The following CHN2 variants were observed in gnomAD, a reference collection of about 807,000 sequenced individuals.
CHN2 encodes chimerin 2, also known as beta-chimaerin.
Under a neutral mutation model 56.3 loss-of-function variants are expected in CHN2, and 35 were observed. The ratio of observed to expected loss-of-function variants is 0.62; its 90% CI spans 0.47 to 0.82. The LOEUF (loss-of-function observed/expected upper bound fraction) is 0.82. Among genes scored for constraint, CHN2 ranks in the 40% least tolerant of loss-of-function variants. CHN2 has a pLI of 0.00. For synonymous variants in CHN2, 210 were observed against 212.8 expected (o/e 0.99, Z 0.12); for missense variants, 491 against 580.5 (o/e 0.85, Z 1.58).
chr7:29,417,830 T>C (rs1259272518), intron 6 of CHN2, among the ~76,000 whole-genome samples: 1 of 152,078 alleles, frequency 6.6e-6, no homozygotes, highest in Non-Finnish European at 1.5e-5. Flanking sequence ...AGTAAGGTAT[T>C]GTAGATGGTG....
intron 6 of CHN2, among the ~76,000 whole-genome samples, chr7:29,478,151 A>G (rs1211563845): frequency 6.6e-6 from 1 of 152,252 alleles, no homozygotes. Context: ...AAAGGGTAGC[A>G]TTAGAATCAG....
intron 3 of CHN2, among the ~76,000 whole-genome samples, chr7:29,369,579 C>T (rs980266561): frequency 2.6e-5 from 4 of 152,106 alleles, no homozygotes; most frequent in South Asian, 2.1e-4. Context: ...TATGTATGTG[C>T]GTGTGAAAGA....
chr7:29,324,347 GTGAT>G (rs1795629492), intron 1 of CHN2, among the ~76,000 whole-genome samples: 1 of 152,162 alleles, frequency 6.6e-6, no homozygotes, highest in Admixed American at 6.5e-5. Flanking sequence ...CTTTATAAAA[GTGAT>G]TGAATTTTGA....
chr7:29,469,670 A>G (rs374600667), intron 6 of CHN2, among the ~76,000 whole-genome samples: 2 of 152,106 alleles, frequency 1.3e-5, no homozygotes, highest in African/African-American at 4.8e-5. Flanking sequence ...TCACCTTCTC[A>G]TGAGACCTTT....
At chr7:29,147,449 T>C (rs755959645) in intron 2 of CHN2, 5 of 158,284 alleles carry the variant, frequency 3.2e-5, no homozygotes, top group Non-Finnish European at 5.6e-5. Flanking sequence ...CAGTTTCGCG[T>C]AGTTTGTTAT....
intron 6 of CHN2, among the ~76,000 whole-genome samples, chr7:29,407,572 C>A (rs906203554): frequency 6.6e-6 from 1 of 152,068 alleles, no homozygotes; most frequent in African/African-American, 2.4e-5. Flanking sequence ...AACTGACATA[C>A]CCAGTCTTTT....
intron 6 of CHN2, among the ~76,000 whole-genome samples, chr7:29,402,152 G>C (rs1286704812): frequency 4.6e-5 from 7 of 152,156 alleles, no homozygotes; most frequent in South Asian, 4.1e-4. Context: ...TGGCAGAGGG[G>C]CTTCATCAGA....
At chr7:29,421,387 C>T (rs528860203) in intron 6 of CHN2, among the ~76,000 whole-genome samples, 1 of 151,546 alleles carries the variant, frequency 6.6e-6, no homozygotes, top group African/African-American at 2.4e-5. Context: ...CTCAGGGAAA[C>T]GGCTCTGGAA....
At chr7:29,462,802 A>G (rs1785260583) in intron 6 of CHN2, among the ~76,000 whole-genome samples, 1 of 152,034 alleles carries the variant, frequency 6.6e-6, no homozygotes, top group African/African-American at 2.4e-5. Flanking sequence ...TTTAGGGTAT[A>G]TGTGCACAAC....
chr7:29,394,182 G>A (rs1308968007), intron 4 of CHN2, among the ~76,000 whole-genome samples: 3 of 152,040 alleles, frequency 2.0e-5, no homozygotes, highest in South Asian at 2.1e-4. Context: ...CTCTTGGCTC[G>A]GGTGTAGTAG....
intron 1 of CHN2, among the ~76,000 whole-genome samples, chr7:29,263,938 C>A (rs1443866638): frequency 2.0e-5 from 3 of 150,798 alleles, no homozygotes; most frequent in Non-Finnish European, 4.4e-5. Flanking sequence ...TGGGGGGCAG[C>A]CCCCGCCCGG....
chr7:29,150,268 A>C (rs1793406349), intron 2 of CHN2, among the ~76,000 whole-genome samples: 1 of 152,222 alleles, frequency 6.6e-6, no homozygotes, highest in Non-Finnish European at 1.5e-5. Flanking sequence ...TCTGTACATG[A>C]TAAAAATACT....
chr7:29,405,969 A>G (rs1468943004), intron 6 of CHN2, among the ~76,000 whole-genome samples: 1 of 152,176 alleles, frequency 6.6e-6, no homozygotes, highest in African/African-American at 2.4e-5. Flanking sequence ...GCCCTCGCTT[A>G]CTGGCAGAAG....
intron 7 of CHN2, among the ~76,000 whole-genome samples, chr7:29,485,615 G>A (rs942044080): frequency 6.6e-6 from 1 of 152,180 alleles, no homozygotes; most frequent in African/African-American, 2.4e-5. Flanking sequence ...ACAGGGGAAA[G>A]AAAGAGCACC....
chr7:29,316,999 T>G (rs952909239), intron 1 of CHN2, among the ~76,000 whole-genome samples: 5 of 152,356 alleles, frequency 3.3e-5, no homozygotes, highest in African/African-American at 1.2e-4. Context: ...AACAAATTGT[T>G]CTTTTGAATT....
intron 1 of CHN2, among the ~76,000 whole-genome samples, chr7:29,278,421 C>T (rs1039451970): frequency 1.3e-5 from 2 of 151,024 alleles, no homozygotes; most frequent in Admixed American, 1.3e-4. Flanking sequence ...AATGAATGAG[C>T]ATGGCTGTGT....
At chr7:29,233,851 T>TTGG (rs55810001) in intron 1 of CHN2, among the ~76,000 whole-genome samples, 1 of 128,680 alleles carries the variant, frequency 7.8e-6, no homozygotes, top group Non-Finnish European at 1.6e-5. Flanking sequence ...TTTTTTTTTT[T>TTGG]GAGATGGAGT....
rs1000610889 is a variant in CHN2, at chr7:29,438,019, A to G, written c.576+37191A>G. ...TCCCTCCTGGTCTTACCTCACCCTT[A>G]TCTCTTAGTGTAGTAAAATCTGCAA... is the stretch of plus-strand genomic sequence containing the variant. On this transcript the variant is annotated intron_variant, in intron 6 of 12. Coordinates refer to ENST00000222792, the MANE Select transcript of CHN2 (RefSeq NM_004067.4). 4.6e-5 allele frequency among the ~76,000 whole-genome samples: 7 copies of G among 152,182 alleles called. No homozygotes were observed. The South Asian group carries it at 8.3e-4, about 18-fold the overall frequency.
chr7:29,420,990 G>A (rs758538591), intron 6 of CHN2, among the ~76,000 whole-genome samples: 11 of 151,958 alleles, frequency 7.2e-5, no homozygotes, highest in Admixed American at 1.3e-4. Flanking sequence ...TGGTAGAGAC[G>A]GGGTTTCGCC....
Sources: gnomAD v4.1 joint callset for allele counts (sites outside exome capture counted in the v4.1 genomes callset) on GRCh38, gnomAD v4.1.1 for gene constraint, MANE v1.5 for transcripts, NCBI Gene and HGNC (gene_info 2026-07-23, HGNC 2026-07-21) for gene names.